USP40: variants seen among roughly 807,000 people sequenced by gnomAD.
USP40 encodes the protein ubiquitin carboxyl-terminal hydrolase 40.
A neutral mutation model predicts 166.2 loss-of-function variants in USP40; 143 were observed. That is an observed-to-expected ratio of 0.86 (90% CI 0.75 to 0.99). The LOEUF (loss-of-function observed/expected upper bound fraction) is 0.99, where lower values mean the gene tolerates loss of function less well. USP40 is among the 50% of genes least tolerant of loss of function. The pLI is 0.00. For missense variants in USP40, 1,444 were observed against 1,479.7 expected, an observed-to-expected ratio of 0.98 and a Z score of 0.40; for synonymous variants, 498 against 524.0, an observed-to-expected ratio of 0.95 and a Z score of 0.68.
At chr2:233,544,976 G>A (rs1346655863) in intron 8 of USP40, among the ~76,000 whole-genome samples, 1 of 152,168 alleles carries the variant, frequency 6.6e-6, no homozygotes. Context: ...TCAGGCTTGT[G>A]TTAGAGACAA....
chr2:233,543,751 A>G (rs1397705548), intron 8 of USP40, among the ~76,000 whole-genome samples: 2 of 152,230 alleles, frequency 1.3e-5, no homozygotes, highest in Non-Finnish European at 2.9e-5. Context: ...ACTGTGAGCA[A>G]TAAATTTCTG....
Position 233,510,114 on chromosome 2 carries a change from C to G in USP40, c.2548G>C (p.Gly850Arg), listed in dbSNP as rs756163949. Residue 850 changes from glycine to arginine, a missense_variant, in exon 21 of 32, where the codon GGG (glycine) becomes CGG (arginine). Gly to Arg is a moderately radical substitution (Grantham distance 125). Transcript: ENST00000678225. ...SSQLFLFFAM[G>R]SDVQPGTEME... ...TCTGTCCCAGGTTGAACGTCACTCC[C>G]CATTGCAAAAAACAGGAACAACTAA... The G allele has an allele frequency of 2.5e-6, 4 of 1,603,138 alleles. No individual in the cohort carries two copies. The South Asian group carries it at 4.5e-5, about 18-fold the overall frequency.
chr2:233,494,952 A>T (rs867997532), intron 24 of USP40, among the ~76,000 whole-genome samples: 330 of 29,342 alleles, frequency 0.011, no homozygotes, highest in East Asian at 0.015. Context: ...ATATATATAT[A>T]TATTTATATA....
rs544254014 is a variant in USP40 at position 233,481,447 on chromosome 2, C to T, written c.3505-150G>A. 91 of 709,920 alleles carry T rather than the reference C, an allele frequency of 1.3e-4. No homozygotes were observed. The East Asian group carries it at 2.5e-3, about 20-fold the overall frequency. 44.0% of individuals were successfully genotyped at this position (709,920 alleles called of 1,614,324 possible). On this transcript the variant is annotated intron_variant, in intron 30 of 31. Coordinates refer to ENST00000678225, the MANE Select transcript of USP40 (RefSeq NM_001365479.2). ...TGAATAACTGATTAAAAAAAATCCT[C>T]TTGCTCGATGAAAACAAACTCGGGG...
Position 233,565,589 on chromosome 2 carries a change from A to C in USP40, c.-19-16T>G, listed in dbSNP as rs1431224573. 5.9e-6 allele frequency: 9 copies of C among 1,516,952 alleles called. No individual in the cohort carries two copies. The highest frequency in any genetic ancestry group is 3.5e-6 in the Non-Finnish European group (4 of 1,138,352). The allele number at this position is 1,516,952 out of a possible 1,614,324, so 94.0% of individuals were successfully genotyped here. On this transcript the variant is annotated splice_polypyrimidine_tract_variant and intron_variant, in intron 1 of 31. Transcript: ENST00000678225. The stretch of plus-strand genomic sequence containing the variant: ...AAATACTACCCTTAAAAAAAGTGAC[A>C]TATAAATGCTTTTATTTTTAAAATA...
rs528825867 is a variant in USP40, at chr2:233,551,762, T to C, written c.694-243A>G. ...AACCCGGTTTTATCTTTAATGTTGATATCCTGAAATACTATTTGATGAGTG... is the reference window on the plus strand; with the variant it reads ...AACCCGGTTTTATCTTTAATGTTGACATCCTGAAATACTATTTGATGAGTG... On this transcript the variant is annotated intron_variant, in intron 6 of 31. Transcript: ENST00000678225. Among the ~76,000 whole-genome samples, 56 of 152,348 alleles carry C rather than the reference T, an allele frequency of 3.7e-4. 1 individual carries two copies.
rs2065310946 is a variant in USP40 at position 233,491,164 on chromosome 2, G to A, written c.3012+3C>T. ...TAAGTTATGGTGCAGGAAGAAGTCT[G>A]ACCTGAGACTTCAGCTCCGCCAGCG... On this transcript the variant is annotated splice_donor_region_variant and intron_variant, in intron 26 of 31. Transcript: ENST00000678225. 5.0e-6 allele frequency: 8 copies of A among 1,597,310 alleles called. No homozygotes were observed. Among genetic ancestry groups the A allele is most frequent in the Non-Finnish European group, 5.1e-6 (6 of 1,169,070 alleles).
At position 233,562,668 on chromosome 2, in the gene USP40, A is replaced by C; in HGVS notation, c.267+68T>G. 3 of 1,196,048 alleles carry C rather than the reference A, an allele frequency of 2.5e-6. No homozygotes were observed. In the South Asian group the frequency reaches 4.8e-5, roughly 19 times the overall value. The allele number at this position is 1,196,048 out of a possible 1,614,324, so 74.1% of individuals were successfully genotyped here. A position where few individuals can be genotyped will look rare whatever the true frequency, so the allele number is the denominator to read the frequency against. On this transcript the variant is annotated intron_variant, in intron 3 of 31. Coordinates refer to ENST00000678225, the MANE Select transcript of USP40 (RefSeq NM_001365479.2). ...CAGCATGGCACATGTATACATATGTAACTAACCTGCACATTGTGCACATGT... is the reference window on the plus strand; with the variant it reads ...CAGCATGGCACATGTATACATATGTCACTAACCTGCACATTGTGCACATGT...
At chr2:233,539,208 A>C (rs553455866) in intron 10 of USP40, among the ~76,000 whole-genome samples, 1 of 56,210 alleles carries the variant, frequency 1.8e-5, no homozygotes, top group African/African-American at 7.7e-5. Flanking sequence ...ATTAATAGAA[A>C]AGGCAAAAAA....
At chr2:233,541,311 C>T (rs943507835) in intron 9 of USP40, among the ~76,000 whole-genome samples, 6 of 152,090 alleles carry the variant, frequency 3.9e-5, no homozygotes, top group African/African-American at 7.2e-5. Context: ...TAAGGTAAAA[C>T]GAGGCTGTTT....
intron 21 of USP40, among the ~76,000 whole-genome samples, chr2:233,505,416 A>G (rs1008822714): frequency 6.6e-6 from 1 of 152,134 alleles, no homozygotes; most frequent in Non-Finnish European, 1.5e-5. Context: ...TTCTTTTAAT[A>G]GATAAAATTG....
intron 12 of USP40, 99 bp downstream of exon 12, chr2:233,529,328 CTATT>C: frequency 1.1e-6 from 1 of 946,742 alleles, no homozygotes; most frequent in Non-Finnish European, 1.5e-6. Context: ...AACAAGTTGA[CTATT>C]TTTTTTCTTT....
chr2:233,566,542 A>G (rs1314313862), intron 1 of USP40, 142 bp downstream of exon 1: 3 of 381,250 alleles, frequency 7.9e-6, no homozygotes, highest in East Asian at 3.3e-4. Context: ...GCCCGAAACC[A>G]CTGCCCCGAC....
rs1209220050 is a variant in USP40 at position 233,524,497 on chromosome 2, C to A, written c.1876G>T (p.Val626Leu). The stretch of plus-strand genomic sequence containing the variant: ...TCTTCAGTAATTTTTTTTACCTCCA[C>A]CCCATTCCACACAAAGATGTCTTCC... Reference protein sequence around the residue: ...DGEDIFVWNGVEVGGVHIQTG... With the variant: ...DGEDIFVWNGLEVGGVHIQTG... Residue 626 changes from valine to leucine, a missense_variant, in exon 15 of 32, where the codon GTG (valine) becomes TTG (leucine). Transcript: ENST00000678225. 3.7e-6 allele frequency: 6 copies of A among 1,606,068 alleles called. No homozygotes were observed. In the Admixed American group the frequency reaches 8.5e-5, roughly 23 times the overall value.
At chr2:233,481,865 A>G (rs985943711) in intron 30 of USP40, among the ~76,000 whole-genome samples, 7 of 152,098 alleles carry the variant, frequency 4.6e-5, no homozygotes, top group East Asian at 1.9e-4. Context: ...TTCCACACGC[A>G]TGTTATTTCC....
At chr2:233,550,303 T>G (rs13403667) in intron 7 of USP40, among the ~76,000 whole-genome samples, 5,952 of 152,252 alleles carry the variant, frequency 0.039, 322 homozygotes, top group African/African-American at 0.12. Context: ...GGACTTCCTA[T>G]ATAAGTGCTC....
At chr2:233,477,940 C>T (rs1454426531) in intron 31 of USP40, among the ~76,000 whole-genome samples, 4 of 152,256 alleles carry the variant, frequency 2.6e-5, no homozygotes, top group Non-Finnish European at 5.9e-5. Context: ...CACTTGGCAT[C>T]CCACTCAAGA....
intron 10 of USP40, among the ~76,000 whole-genome samples, chr2:233,540,217 A>G (rs1414171767): frequency 2.0e-5 from 3 of 152,116 alleles, no homozygotes; most frequent in Non-Finnish European, 1.5e-5. Context: ...AAAATTATTA[A>G]TATCAGAAAT....
At chr2:233,510,991 C>G (rs75082205) in intron 20 of USP40, among the ~76,000 whole-genome samples, 1,937 of 152,224 alleles carry the variant, frequency 0.013, 37 homozygotes, top group East Asian at 0.084. Flanking sequence ...CTATTTGCTA[C>G]GGTTCAGGGG....
Sources: gnomAD v4.1 joint callset for allele counts (sites outside exome capture counted in the v4.1 genomes callset) on GRCh38, gnomAD v4.1.1 for gene constraint, MANE v1.5 for transcripts, NCBI Gene and HGNC (gene_info 2026-07-23, HGNC 2026-07-21) for gene names.